The following PREP variants were observed in gnomAD, a reference collection of about 807,000 sequenced individuals.
The protein encoded by PREP is prolyl endopeptidase.
PREP carries 29 observed loss-of-function variants against 87.6 expected under a neutral mutation model. The observed-to-expected ratio is 0.33, with a 90% CI of 0.25 to 0.45. The LOEUF (loss-of-function observed/expected upper bound fraction) is 0.45, where lower values mean the gene tolerates loss of function less well. Ranked by LOEUF, PREP falls within the 20% of genes least tolerant of loss-of-function variation. The probability of loss-of-function intolerance (pLI) is 1.00; values close to 1 mark genes in which losing one functional copy is unlikely to be tolerated. For missense variants in PREP, 695 were observed against 886.5 expected (o/e 0.78, Z 2.74); for synonymous variants, 337 against 328.6 (o/e 1.03, Z -0.28).
chr6:105,392,292 C>T (rs1268173603), intron 2 of PREP, among the ~76,000 whole-genome samples: 1 of 152,146 alleles, frequency 6.6e-6, no homozygotes, highest in African/African-American at 2.4e-5. Context: ...CCCACCTTGG[C>T]CTCCCAAAGT....
intron 2 of PREP, among the ~76,000 whole-genome samples, chr6:105,395,128 T>G (rs1200402054): frequency 1.3e-5 from 2 of 152,176 alleles, no homozygotes; most frequent in Admixed American, 1.3e-4. Context: ...CAGAGAAGGA[T>G]GTAAGATCAC....
chr6:105,382,314 A>ACACACAC (rs1562224795), intron 2 of PREP, among the ~76,000 whole-genome samples: 4 of 123,934 alleles, frequency 3.2e-5, no homozygotes, highest in African/African-American at 9.1e-5. Flanking sequence ...CACACACACA[A>ACACACAC]AGTATGTGAG....
intron 10 of PREP, among the ~76,000 whole-genome samples, chr6:105,293,038 A>G (rs1408976220): frequency 1.3e-5 from 2 of 152,226 alleles, no homozygotes; most frequent in African/African-American, 2.4e-5. Context: ...AACTTTCCCC[A>G]TATCAGATAT....
intron 10 of PREP, among the ~76,000 whole-genome samples, chr6:105,303,015 T>C (rs1290227503): frequency 6.6e-6 from 1 of 152,072 alleles, no homozygotes; most frequent in African/African-American, 2.4e-5. Flanking sequence ...TCTGAGCACC[T>C]GTTACCAGAT....
intron 10 of PREP, among the ~76,000 whole-genome samples, chr6:105,319,158 A>G (rs1057282019): frequency 4.6e-5 from 7 of 152,236 alleles, no homozygotes; most frequent in Non-Finnish European, 8.8e-5. Flanking sequence ...CTGATGTTTC[A>G]TATGTACTAT....
intron 11 of PREP, 112 bp downstream of exon 11, chr6:105,288,646 C>A: frequency 7.3e-7 from 1 of 1,371,234 alleles, no homozygotes; most frequent in Non-Finnish European, 9.8e-7. Context: ...TGTGAACCCC[C>A]ACGCCTGGCC....
rs141371804 is a variant in PREP, at chr6:105,274,417, C to G, written c.*3727G>C. Among the ~76,000 whole-genome samples, 238 of 152,228 alleles carry G rather than the reference C, an allele frequency of 1.6e-3. No homozygotes were observed. Among genetic ancestry groups the G allele is most frequent in the Non-Finnish European group, 2.5e-3 (172 of 67,996 alleles). On this transcript the variant is annotated 3_prime_UTR_variant, in exon 15 of 15. Transcript: ENST00000652536. The stretch of plus-strand genomic sequence containing the variant: ...CCTAATTCCATCACTTTGGGATTTA[C>G]GATTTCAACATATACATTTCGGGGA...
At chr6:105,319,288 G>T (rs1485779398) in intron 10 of PREP, among the ~76,000 whole-genome samples, 2 of 152,142 alleles carry the variant, frequency 1.3e-5, no homozygotes, top group African/African-American at 4.8e-5. Flanking sequence ...TATTAAGTTT[G>T]CTCCCCTTCT....
intron 10 of PREP, among the ~76,000 whole-genome samples, chr6:105,308,614 A>C (rs950456600): frequency 6.6e-6 from 1 of 152,184 alleles, no homozygotes; most frequent in African/African-American, 2.4e-5. Flanking sequence ...CTAGTGGACA[A>C]ATTACCCTAC....
intron 8 of PREP, 46 bp downstream of exon 8, chr6:105,333,268 C>T (rs753855898): frequency 6.5e-7 from 1 of 1,540,426 alleles, no homozygotes; most frequent in Non-Finnish European, 9.0e-7. Context: ...TGTTGATGTT[C>T]TCATCAAAAA....
chr6:105,322,814 C>G, intron 10 of PREP: 1 of 1,113,642 alleles, frequency 9.0e-7, no homozygotes, highest in Non-Finnish European at 1.1e-6. Context: ...TAGATGTAGC[C>G]TATCATCTAG....
chr6:105,285,454 A>T (rs1223580142), intron 12 of PREP, 32 bp downstream of exon 12: 7 of 1,573,566 alleles, frequency 4.4e-6, no homozygotes, highest in Non-Finnish European at 6.1e-6. Context: ...TGATTATGTC[A>T]GACTTGTGTT....
At chr6:105,388,187 C>T (rs1773051770) in intron 2 of PREP, among the ~76,000 whole-genome samples, 2 of 151,374 alleles carry the variant, frequency 1.3e-5, no homozygotes, top group Admixed American at 6.6e-5. Flanking sequence ...CTTCTCTTAA[C>T]TGCTGCAATA....
chr6:105,326,077 C>T (rs1771149754), intron 9 of PREP, among the ~76,000 whole-genome samples: 1 of 152,130 alleles, frequency 6.6e-6, no homozygotes, highest in Non-Finnish European at 1.5e-5. Context: ...CTTTGTAACC[C>T]ATGGAGATTT....
At chr6:105,394,538 T>G (rs1773240172) in intron 2 of PREP, among the ~76,000 whole-genome samples, 1 of 152,242 alleles carries the variant, frequency 6.6e-6, no homozygotes, top group South Asian at 2.1e-4. Context: ...ATCACTAAAT[T>G]TGATTATATG....
rs187745315 is a variant in PREP, at chr6:105,384,207, G to T, written c.121-6688C>A. On this transcript the variant is annotated intron_variant, in intron 2 of 14. Transcript: ENST00000652536. ...CAGGACCTCAAGCAGGTGAGGCTGC[G>T]GCTCATCTCAGGGCTTGCTGGCATG... 4.5e-4 allele frequency among the ~76,000 whole-genome samples: 68 copies of T among 152,182 alleles called. No individual in the cohort carries two copies. In the East Asian group the frequency reaches 0.011, roughly 24 times the overall value.
chr6:105,377,486 G>A lies in PREP; in HGVS notation c.154C>T (p.Pro52Ser), dbSNP rs1228825105. ...CTGATGGGACACTGCTCAAGAAATG[G>A]CACAGTAATCTTATTCTGGGCCTCC... ...FVEAQNKITV[P>S]FLEQCPIRGL... The change falls in exon 3 of 15, where the codon CCA (proline) becomes TCA (serine). Residue 52 changes from proline (P) to serine (S), a missense_variant. Pro to Ser is a moderately conservative substitution (Grantham distance 74). Transcript: ENST00000652536. 1 of 1,613,592 alleles carries A rather than the reference G, an allele frequency of 6.2e-7. No individual in the cohort carries two copies. The highest frequency in any genetic ancestry group is 8.5e-7 in the Non-Finnish European group (1 of 1,179,722).
chr6:105,303,965 A>G (rs953791345), intron 10 of PREP, among the ~76,000 whole-genome samples: 2 of 152,232 alleles, frequency 1.3e-5, no homozygotes, highest in Non-Finnish European at 2.9e-5. Context: ...ACACTTATTT[A>G]GTTCTTACCA....
At chr6:105,392,347 T>G (rs2114731477) in intron 2 of PREP, among the ~76,000 whole-genome samples, 2 of 152,100 alleles carry the variant, frequency 1.3e-5, no homozygotes, top group South Asian at 4.2e-4. Context: ...CTCAAATCAT[T>G]TTTAGGGACT....
Sources: allele counts gnomAD v4.1 joint callset (sites outside exome capture counted in the v4.1 genomes callset), GRCh38; gene constraint gnomAD v4.1.1; transcripts MANE v1.5; gene names NCBI Gene and HGNC (gene_info 2026-07-23, HGNC 2026-07-21).